HDAC4: variants seen among roughly 807,000 people sequenced by gnomAD.
HDAC4 encodes histone deacetylase 4.
Under a neutral mutation model 135.1 loss-of-function variants are expected in HDAC4, and 16 were observed. The ratio of observed to expected loss-of-function variants is 0.12; its 90% CI spans 0.08 to 0.18. The LOEUF (loss-of-function observed/expected upper bound fraction) is 0.18, where lower values mean the gene tolerates loss of function less well. Ranked by LOEUF, HDAC4 falls within the 10% of genes least tolerant of loss-of-function variation. The probability of loss-of-function intolerance (pLI) is 1.00; values close to 1 mark genes in which losing one functional copy is unlikely to be tolerated. For synonymous variants in HDAC4, 685 were observed against 653.4 expected (o/e 1.05, Z -0.74); for missense variants, 1,143 against 1,511.8 (o/e 0.76, Z 4.05).
At chr2:239,368,286 G>A (rs1195518031) in intron 1 of HDAC4, among the ~76,000 whole-genome samples, 2 of 152,142 alleles carry the variant, frequency 1.3e-5, no homozygotes, top group Admixed American at 6.5e-5. Flanking sequence ...CAGATGTGAG[G>A]GATGTGGGGC....
In HDAC4 at chr2:239,048,740, G is replaced by A. The variant is rs1194144464; in HGVS notation, c.*4357C>T. The A allele has an allele frequency of 6.6e-6, 1 of 152,238 alleles. No homozygotes were observed. The highest frequency in any genetic ancestry group is 1.5e-5 in the Non-Finnish European group (1 of 68,038). The allele number at this position is 152,238 out of a possible 1,614,324, so 9.4% of individuals were successfully genotyped here. A position where few individuals can be genotyped will look rare whatever the true frequency, so the allele number is the denominator to read the frequency against. ...AATGCCAGAGACAAAGTGAGGCCGA[G>A]CTAAGAACACGCTCAGCTTCGTTAC... On this transcript the variant is annotated 3_prime_UTR_variant, in exon 27 of 27. Coordinates refer to ENST00000543185, the MANE Select transcript of HDAC4 (RefSeq NM_001378414.1).
intron 1 of HDAC4, among the ~76,000 whole-genome samples, chr2:239,387,140 TGAG>T (rs1189404971): frequency 1.3e-5 from 2 of 152,208 alleles, no homozygotes; most frequent in African/African-American, 4.8e-5. Flanking sequence ...ACATGTGTGT[TGAG>T]GAGGAAGAAC....
At chr2:239,108,371 C>T (rs1389241336) in intron 14 of HDAC4, among the ~76,000 whole-genome samples, 188 bp from the exon 15 acceptor site, 3 of 152,174 alleles carry the variant, frequency 2.0e-5, no homozygotes, top group African/African-American at 4.8e-5. Flanking sequence ...AGAACGTGGA[C>T]GAATGCAGAG....
intron 3 of HDAC4, among the ~76,000 whole-genome samples, chr2:239,197,385 G>C (rs145794816): frequency 6.6e-6 from 1 of 152,136 alleles, no homozygotes; most frequent in African/African-American, 2.4e-5. Context: ...GGCCCCCAGC[G>C]TTCCGAAATT....
chr2:239,394,036 G>C (rs1283268001), intron 1 of HDAC4, among the ~76,000 whole-genome samples: 1 of 121,766 alleles, frequency 8.2e-6, no homozygotes, highest in African/African-American at 3.2e-5. Flanking sequence ...CTCTTCCTCA[G>C]TTTAAAAAAG....
At chr2:239,220,179 CA>C (rs1333724087) in intron 3 of HDAC4, among the ~76,000 whole-genome samples, 2 of 152,116 alleles carry the variant, frequency 1.3e-5, no homozygotes, top group Non-Finnish European at 1.5e-5. Context: ...CCAGGAGAAA[CA>C]AAAATCCAAC....
At chr2:239,310,798 A>T (rs1040792731) in intron 2 of HDAC4, among the ~76,000 whole-genome samples, 11 of 152,120 alleles carry the variant, frequency 7.2e-5, no homozygotes, top group African/African-American at 2.4e-4. Context: ...TCAATGTCCA[A>T]CACTTCCCTC....
intron 3 of HDAC4, among the ~76,000 whole-genome samples, chr2:239,211,886 G>A (rs961302364): frequency 2.0e-5 from 3 of 152,134 alleles, no homozygotes; most frequent in Non-Finnish European, 2.9e-5. Flanking sequence ...GGCACCACGC[G>A]CCACCGAGGA....
intron 2 of HDAC4, among the ~76,000 whole-genome samples, chr2:239,348,802 C>T (rs773103470): frequency 5.3e-5 from 8 of 152,252 alleles, no homozygotes; most frequent in East Asian, 1.9e-4. Flanking sequence ...TCCCTCAGGC[C>T]GCTCACATCA....
chr2:239,291,861 G>T (rs545235367), intron 2 of HDAC4, among the ~76,000 whole-genome samples: 1 of 152,148 alleles, frequency 6.6e-6, no homozygotes, highest in Admixed American at 6.5e-5. Context: ...CCTTCTCCCC[G>T]GGAGCCGCCG....
chr2:239,261,686 G>A (rs1315774146), intron 2 of HDAC4, among the ~76,000 whole-genome samples: 1 of 152,206 alleles, frequency 6.6e-6, no homozygotes, highest in Non-Finnish European at 1.5e-5. Flanking sequence ...AAGAAAAGCA[G>A]AAGTCAGCGT....
intron 2 of HDAC4, among the ~76,000 whole-genome samples, chr2:239,255,764 C>T (rs943944516): frequency 1.3e-5 from 2 of 152,142 alleles, no homozygotes; most frequent in African/African-American, 4.8e-5. Flanking sequence ...TACTCTGAAA[C>T]ACAAAAAGCT....
chr2:239,138,655 C>T (rs2041137065), intron 9 of HDAC4, among the ~76,000 whole-genome samples: 1 of 152,212 alleles, frequency 6.6e-6, no homozygotes. Flanking sequence ...GGGCACCACT[C>T]AGCCTGCGGG....
chr2:239,103,397 T>A (rs575571294), intron 15 of HDAC4, among the ~76,000 whole-genome samples: 4 of 152,250 alleles, frequency 2.6e-5, no homozygotes, highest in Non-Finnish European at 5.9e-5. Flanking sequence ...TCCGGCTGCG[T>A]CTCTCTGAGG....
intron 22 of HDAC4, among the ~76,000 whole-genome samples, chr2:239,069,797 G>T (rs6761277): frequency 8.6e-3 from 867 of 101,112 alleles, no homozygotes; most frequent in Middle Eastern, 0.035. Flanking sequence ...TTGGTGAGAG[G>T]GAGTCACGGT....
At chr2:239,401,223 A>T (rs1202558615), upstream of HDAC4, among the ~76,000 whole-genome samples, 1 of 136,164 alleles carries the variant, frequency 7.3e-6, no homozygotes, top group African/African-American at 2.7e-5. Context: ...CCGGCCTTCC[A>T]TTGGCCCGCT....
At chr2:239,193,898 T>G (rs2153053946) in intron 3 of HDAC4, among the ~76,000 whole-genome samples, 1 of 152,346 alleles carries the variant, frequency 6.6e-6, no homozygotes, top group South Asian at 2.1e-4. Flanking sequence ...GAGATGACAC[T>G]AACATGATCT....
At chr2:239,264,555 G>T (rs578024421) in intron 2 of HDAC4, among the ~76,000 whole-genome samples, 4 of 152,248 alleles carry the variant, frequency 2.6e-5, no homozygotes, top group African/African-American at 9.6e-5. Context: ...TGGCTTGGGT[G>T]AGCCGAGGCC....
At chr2:239,250,709 C>T (rs1575525889) in intron 2 of HDAC4, among the ~76,000 whole-genome samples, 1 of 152,218 alleles carries the variant, frequency 6.6e-6, no homozygotes, top group African/African-American at 2.4e-5. Context: ...AGAGGCACTT[C>T]CTCCCTGGGA....
Sources: allele counts gnomAD v4.1 joint callset (sites outside exome capture counted in the v4.1 genomes callset), GRCh38; gene constraint gnomAD v4.1.1; transcripts MANE v1.5; gene names NCBI Gene and HGNC (gene_info 2026-07-23, HGNC 2026-07-21).